MSRA: variants seen among roughly 807,000 people sequenced by gnomAD.
MSRA encodes the protein methionine sulfoxide reductase A.
In MSRA, 54 loss-of-function variants were observed where a neutral mutation model predicts 31.3. The observed-to-expected ratio is 1.73, with a 90% CI of 1.39 to 2.17. MSRA has a LOEUF of 2.17. Ranked by LOEUF, MSRA falls within the 30% of genes most tolerant of loss-of-function variation. The pLI is 0.00. For synonymous variants in MSRA, 169 were observed against 116.5 expected, an observed-to-expected ratio of 1.45 and a Z score of -2.90; for missense variants, 507 against 300.9, an observed-to-expected ratio of 1.69 and a Z score of -5.07.
rs769768109 is a variant in MSRA, at chr8:10,281,050, T to G, written c.332-20484T>G. Among the ~76,000 whole-genome samples, 11 of 152,204 alleles carry G rather than the reference T, an allele frequency of 7.2e-5. No individual in the cohort carries two copies. The East Asian group carries it at 2.1e-3, about 29-fold the overall frequency. ...AGCTAAAGTGTATGGAGTCTCTTTT[T>G]GGAGTGATAAAAATGTTTTAAAATT... On this transcript the variant is annotated intron_variant, in intron 3 of 5. Coordinates refer to ENST00000317173, the MANE Select transcript of MSRA (RefSeq NM_012331.5).
At chr8:10,223,811 G>A (rs1194197256) in intron 2 of MSRA, among the ~76,000 whole-genome samples, 1 of 152,126 alleles carries the variant, frequency 6.6e-6, no homozygotes, top group Admixed American at 6.5e-5. Flanking sequence ...AAGATTTTGG[G>A]TGGGGAGAAA....
chr8:10,286,173 C>G (rs1174579799), intron 3 of MSRA, among the ~76,000 whole-genome samples: 1 of 152,162 alleles, frequency 6.6e-6, no homozygotes, highest in African/African-American at 2.4e-5. Context: ...TTTTCAACAT[C>G]TGAAGCACTC....
chr8:10,136,121 C>T (rs1802251536), intron 1 of MSRA, among the ~76,000 whole-genome samples: 1 of 152,164 alleles, frequency 6.6e-6, no homozygotes, highest in African/African-American at 2.4e-5. Flanking sequence ...AAGTGAGTAA[C>T]ACATGGGCTG....
Position 10,230,656 on chromosome 8 carries a change from A to G in MSRA, c.212-14448A>G, listed in dbSNP as rs143731383. On this transcript the variant is annotated intron_variant, in intron 2 of 5. Transcript: ENST00000317173. ...ACTTCTTTTGACAGTTGGAATACAT[A>G]CTTCTTATAGAAATTTGGAATAAAC... Among the ~76,000 whole-genome samples, 3 of 152,352 alleles carry G rather than the reference A, an allele frequency of 2.0e-5. No individual in the cohort carries two copies. The East Asian group carries it at 5.8e-4, about 29-fold the overall frequency.
At chr8:10,360,823 G>C (rs1804803555) in intron 5 of MSRA, among the ~76,000 whole-genome samples, 1 of 152,214 alleles carries the variant, frequency 6.6e-6, no homozygotes, top group African/African-American at 2.4e-5. Context: ...TCTGCTGCCT[G>C]TGTATGGAGA....
At chr8:10,096,115 A>G (rs549487423) in intron 1 of MSRA, 3 of 1,291,516 alleles carry the variant, frequency 2.3e-6, no homozygotes, top group East Asian at 2.7e-5. Flanking sequence ...GAGCCTTTCT[A>G]AGATTTTATG....
chr8:10,159,284 G>A (rs1325506262), intron 1 of MSRA, among the ~76,000 whole-genome samples: 1 of 152,222 alleles, frequency 6.6e-6, no homozygotes, highest in African/African-American at 2.4e-5. Flanking sequence ...GACAGAGCAG[G>A]GTGGGTAGTG....
chr8:10,337,048 C>G (rs1421943492), intron 5 of MSRA: 1 of 152,230 alleles, frequency 6.6e-6, no homozygotes, highest in Non-Finnish European at 1.5e-5. Flanking sequence ...TAATCCATGC[C>G]TTGTAATAGT....
At chr8:10,141,884 C>T (rs1479388654) in intron 1 of MSRA, among the ~76,000 whole-genome samples, 1 of 152,176 alleles carries the variant, frequency 6.6e-6, no homozygotes, top group Non-Finnish European at 1.5e-5. Context: ...AGTAGGCACT[C>T]AGTCAATGTT....
intron 1 of MSRA, among the ~76,000 whole-genome samples, chr8:10,202,130 T>G (rs1808556069): frequency 6.6e-6 from 1 of 152,240 alleles, no homozygotes; most frequent in Non-Finnish European, 1.5e-5. Context: ...TGAAACAAAT[T>G]TGTAAATGGT....
At chr8:10,134,117 C>T (rs1802092661) in intron 1 of MSRA, among the ~76,000 whole-genome samples, 1 of 152,148 alleles carries the variant, frequency 6.6e-6, no homozygotes, top group Non-Finnish European at 1.5e-5. Context: ...CAGGTGTGAG[C>T]CACTGTGCCC....
intron 2 of MSRA, among the ~76,000 whole-genome samples, chr8:10,229,085 T>C (rs1306273249): frequency 6.6e-6 from 1 of 152,202 alleles, no homozygotes; most frequent in Non-Finnish European, 1.5e-5. Context: ...AGTGAGATGT[T>C]ATAAATAATT....
chr8:10,166,549 G>A (rs1805143284), intron 1 of MSRA, among the ~76,000 whole-genome samples: 1 of 152,120 alleles, frequency 6.6e-6, no homozygotes, highest in Non-Finnish European at 1.5e-5. Context: ...ATGTGCATTT[G>A]TATGGGGTTG....
Position 10,266,829 on chromosome 8 carries a change from G to A in MSRA, c.331+21606G>A, listed in dbSNP as rs920067509. Among the ~76,000 whole-genome samples the A allele has an allele frequency of 4.6e-5, 7 of 152,228 alleles. No homozygotes were observed. In the South Asian group the frequency reaches 6.2e-4, roughly 14 times the overall value. On this transcript the variant is annotated intron_variant, in intron 3 of 5. Coordinates refer to ENST00000317173, the MANE Select transcript of MSRA (RefSeq NM_012331.5). ...GTGGATTAAGGTCACTTTACCCACCGATGGTGACAGAAGTCTTCTACCAGT... is the reference window on the plus strand; with the variant it reads ...GTGGATTAAGGTCACTTTACCCACCAATGGTGACAGAAGTCTTCTACCAGT...
chr8:10,257,625 C>G (rs1798252162), intron 3 of MSRA, among the ~76,000 whole-genome samples: 1 of 152,156 alleles, frequency 6.6e-6, no homozygotes. Flanking sequence ...CCAGGCTGGT[C>G]TCAAACTCCT....
chr8:10,419,556 C>T (rs1305861708), intron 5 of MSRA, among the ~76,000 whole-genome samples: 6 of 152,164 alleles, frequency 3.9e-5, no homozygotes, highest in African/African-American at 7.2e-5. Flanking sequence ...CCCTGCAATC[C>T]GTCTCTGCCC....
intron 5 of MSRA, among the ~76,000 whole-genome samples, chr8:10,363,560 G>C (rs973232722): frequency 6.6e-6 from 1 of 152,080 alleles, no homozygotes; most frequent in Non-Finnish European, 1.5e-5. Context: ...AGTCCCCTTA[G>C]CCTGTAAAGC....
intron 1 of MSRA, among the ~76,000 whole-genome samples, chr8:10,071,458 C>CT (rs77512999): frequency 2.5e-3 from 326 of 129,248 alleles, no homozygotes; most frequent in African/African-American, 5.4e-3. Context: ...TTTTAATTTT[C>CT]TTTTTTTTTT....
intron 5 of MSRA, among the ~76,000 whole-genome samples, chr8:10,342,274 A>T (rs750222454): frequency 6.6e-6 from 1 of 152,138 alleles, no homozygotes; most frequent in Non-Finnish European, 1.5e-5. Flanking sequence ...TGAGGACCCC[A>T]ATGAGCTTTT....
Sources: allele counts gnomAD v4.1 joint callset (sites outside exome capture counted in the v4.1 genomes callset), GRCh38; gene constraint gnomAD v4.1.1; transcripts MANE v1.5; gene names NCBI Gene and HGNC (gene_info 2026-07-23, HGNC 2026-07-21).